The following OXCT1 variants were observed in gnomAD, a reference collection of about 807,000 sequenced individuals.
The protein encoded by OXCT1 is succinyl-CoA:3-ketoacid coenzyme A transferase 1, mitochondrial.
In OXCT1, 27 loss-of-function variants were observed where a neutral mutation model predicts 69.6. That is an observed-to-expected ratio of 0.39 (90% confidence interval 0.29 to 0.54). OXCT1 has a LOEUF of 0.54. Ranked by LOEUF, OXCT1 falls within the 20% of genes least tolerant of loss-of-function variation. The pLI, the probability that OXCT1 is intolerant of heterozygous loss-of-function variation, is 0.72. For synonymous variants in OXCT1, 202 were observed against 217.8 expected (o/e 0.93, Z 0.64); for missense variants, 437 against 650.2 (o/e 0.67, Z 3.57).
At chr5:41,840,545 GA>G in intron 6 of OXCT1, 34 bp from the exon 7 acceptor site, 19 of 1,388,482 alleles carry the variant, frequency 1.4e-5, no homozygotes, top group South Asian at 7.1e-5. Context: ...AAGTGGGGGG[GA>G]AAAGACGAAA....
intron 7 of OXCT1, among the ~76,000 whole-genome samples, chr5:41,816,135 C>T (rs2112312849): frequency 6.6e-6 from 1 of 152,194 alleles, no homozygotes; most frequent in South Asian, 2.1e-4. Flanking sequence ...TTAGCACGTG[C>T]ATTAGAAGAG....
intron 10 of OXCT1, among the ~76,000 whole-genome samples, chr5:41,801,628 A>G (rs1020835237): frequency 1.3e-5 from 2 of 152,136 alleles, no homozygotes; most frequent in Non-Finnish European, 2.9e-5. Context: ...ACTACATCAC[A>G]TTATTTGGCT....
intron 3 of OXCT1, 169 bp from the exon 4 acceptor site, chr5:41,853,723 T>G: frequency 1.3e-6 from 1 of 750,418 alleles, no homozygotes; most frequent in East Asian, 2.7e-5. Context: ...AAGGTAGCTA[T>G]CCTTTTATTT....
chr5:41,751,148 G>T (rs1743762402), intron 14 of OXCT1, among the ~76,000 whole-genome samples: 2 of 152,168 alleles, frequency 1.3e-5, no homozygotes, highest in African/African-American at 4.8e-5. Flanking sequence ...TGAAATTAAT[G>T]ACAAATATTC....
intron 7 of OXCT1, among the ~76,000 whole-genome samples, chr5:41,833,792 G>A (rs1275799168): frequency 1.3e-5 from 2 of 152,024 alleles, no homozygotes; most frequent in Non-Finnish European, 2.9e-5. Flanking sequence ...GGATGCAGTG[G>A]CTCATGCCTG....
chr5:41,797,517 G>A (rs1179664395), intron 11 of OXCT1, among the ~76,000 whole-genome samples: 1 of 152,160 alleles, frequency 6.6e-6, no homozygotes, highest in East Asian at 1.9e-4. Flanking sequence ...AACACAAAGA[G>A]GGCTTTCTTA....
chr5:41,833,338 G>A (rs1748188836), intron 7 of OXCT1, among the ~76,000 whole-genome samples: 3 of 152,064 alleles, frequency 2.0e-5, no homozygotes, highest in Admixed American at 6.5e-5. Flanking sequence ...TACAAGCCAG[G>A]AAAGAGTAGC....
At chr5:41,768,076 C>T (rs1037028149) in intron 13 of OXCT1, among the ~76,000 whole-genome samples, 3 of 152,056 alleles carry the variant, frequency 2.0e-5, no homozygotes, top group Non-Finnish European at 2.9e-5. Context: ...TTTCAGACTT[C>T]GATATCCAAA....
intron 13 of OXCT1, among the ~76,000 whole-genome samples, chr5:41,775,763 G>T (rs1339900632): frequency 5.9e-5 from 9 of 152,082 alleles, no homozygotes; most frequent in Non-Finnish European, 1.3e-4. Flanking sequence ...GTAAATTCAG[G>T]TATGGTTGAA....
At chr5:41,777,623 GTTAA>G (rs1262342470) in intron 13 of OXCT1, among the ~76,000 whole-genome samples, 3 of 152,276 alleles carry the variant, frequency 2.0e-5, no homozygotes, top group Non-Finnish European at 4.4e-5. Flanking sequence ...GTTGGATGGT[GTTAA>G]TTAATTTTGT....
At chr5:41,773,858 T>A (rs1272773965) in intron 13 of OXCT1, among the ~76,000 whole-genome samples, 1 of 152,146 alleles carries the variant, frequency 6.6e-6, no homozygotes, top group Non-Finnish European at 1.5e-5. Flanking sequence ...GAATGTTAAA[T>A]GTGTGAAAAA....
intron 13 of OXCT1, among the ~76,000 whole-genome samples, chr5:41,772,537 A>G (rs1264695825): frequency 3.3e-5 from 5 of 152,224 alleles, no homozygotes; most frequent in African/African-American, 9.6e-5. Context: ...TAATAAATGT[A>G]CGTGCCCTAT....
intron 10 of OXCT1, among the ~76,000 whole-genome samples, chr5:41,801,884 T>TA (rs567813360): frequency 1.1e-3 from 161 of 152,078 alleles, no homozygotes; most frequent in Non-Finnish European, 1.8e-3. Flanking sequence ...GAGGAAACTA[T>TA]AAAAAAATAA....
At chr5:41,855,309 G>T (rs1749380275) in intron 3 of OXCT1, among the ~76,000 whole-genome samples, 1 of 152,168 alleles carries the variant, frequency 6.6e-6, no homozygotes, top group Admixed American at 6.5e-5. Flanking sequence ...GCTTCCTGGG[G>T]TACTGGTCAT....
At chr5:41,788,406 T>G (rs1257804278) in intron 13 of OXCT1, among the ~76,000 whole-genome samples, 2 of 152,154 alleles carry the variant, frequency 1.3e-5, no homozygotes, top group Non-Finnish European at 2.9e-5. Flanking sequence ...AACCTCCAAT[T>G]ATGATTTAGA....
intron 15 of OXCT1, 95 bp from the exon 16 acceptor site, chr5:41,739,586 T>G (rs1213894864): frequency 2.2e-6 from 2 of 923,902 alleles, no homozygotes; most frequent in African/African-American, 3.3e-5. Flanking sequence ...TTCGACGAGG[T>G]CGGGTGTGGT....
chr5:41,824,669 C>T (rs908512888), intron 7 of OXCT1, among the ~76,000 whole-genome samples: 1 of 152,130 alleles, frequency 6.6e-6, no homozygotes, highest in Non-Finnish European at 1.5e-5. Context: ...CTTTTTATAG[C>T]AGAAGCTGAG....
At chr5:41,846,356 C>A (rs1222611571) in intron 5 of OXCT1, among the ~76,000 whole-genome samples, 1 of 143,592 alleles carries the variant, frequency 7.0e-6, no homozygotes, top group Non-Finnish European at 1.5e-5. Flanking sequence ...TGTTCAATTC[C>A]CACCTATGAG....
At chr5:41,808,648 A>C (rs990043660) in intron 7 of OXCT1, among the ~76,000 whole-genome samples, 17 of 152,098 alleles carry the variant, frequency 1.1e-4, no homozygotes, top group African/African-American at 4.1e-4. Flanking sequence ...CTGGGTAGAG[A>C]GGCATCTGGG....
Sources: allele counts gnomAD v4.1 joint callset (sites outside exome capture counted in the v4.1 genomes callset), GRCh38; gene constraint gnomAD v4.1.1; transcripts MANE v1.5; gene names NCBI Gene and HGNC (gene_info 2026-07-23, HGNC 2026-07-21).